PLCG2: variants seen among roughly 807,000 people sequenced by gnomAD.
PLCG2 encodes phospholipase C gamma 2, also known as 1-phosphatidylinositol 4,5-bisphosphate phosphodiesterase gamma-2.
PLCG2 carries 69 observed loss-of-function variants against 175.6 expected under a neutral mutation model. The ratio of observed to expected loss-of-function variants is 0.39; its 90% CI spans 0.32 to 0.48. PLCG2 has a LOEUF of 0.48. Among genes scored for constraint, PLCG2 ranks in the 20% least tolerant of loss-of-function variants. PLCG2 has a pLI of 0.91. For synonymous variants in PLCG2, 827 were observed against 624.0 expected, an observed-to-expected ratio of 1.33 and a Z score of -4.85; for missense variants, 1,798 against 1,650.9, an observed-to-expected ratio of 1.09 and a Z score of -1.54.
At chr16:81,944,886 C>T (rs919036502) in intron 30 of PLCG2, among the ~76,000 whole-genome samples, 4 of 152,056 alleles carry the variant, frequency 2.6e-5, no homozygotes, top group Admixed American at 6.6e-5. Context: ...GTAAAAGTTT[C>T]GTACAATCTA....
At chr16:81,933,449 G>A (rs1448339315) in intron 25 of PLCG2, among the ~76,000 whole-genome samples, 1 of 152,156 alleles carries the variant, frequency 6.6e-6, no homozygotes, top group African/African-American at 2.4e-5. Context: ...ATGGCAGAGG[G>A]CAGTCACAAA....
At chr16:81,878,438 C>G (rs1320376698) in intron 7 of PLCG2, among the ~76,000 whole-genome samples, 7 of 152,144 alleles carry the variant, frequency 4.6e-5, no homozygotes, top group African/African-American at 1.7e-4. Context: ...CATATATTCC[C>G]GGGGACACCA....
upstream of PLCG2, among the ~76,000 whole-genome samples, chr16:81,777,292 T>G (rs1291002341): frequency 6.6e-6 from 1 of 152,150 alleles, no homozygotes; most frequent in Non-Finnish European, 1.5e-5. Context: ...ATCAAGAGAC[T>G]TAACCCACTC....
At chr16:81,865,975 G>C (rs1472812278) in intron 5 of PLCG2, among the ~76,000 whole-genome samples, 6 of 137,380 alleles carry the variant, frequency 4.4e-5, no homozygotes, top group Admixed American at 1.4e-4. Flanking sequence ...GGGCTCCACT[G>C]GGGCACCAGC....
intron 31 of PLCG2, among the ~76,000 whole-genome samples, chr16:81,946,576 A>T (rs557208908): frequency 3.3e-5 from 5 of 152,090 alleles, no homozygotes; most frequent in Admixed American, 6.6e-5. Context: ...TCCTAGATAG[A>T]CTCATCCTTT....
intron 1 of PLCG2, among the ~76,000 whole-genome samples, chr16:81,782,403 A>G (rs1220364135): frequency 1.3e-5 from 2 of 151,686 alleles, no homozygotes; most frequent in Non-Finnish European, 2.9e-5. Context: ...TCTTTTTTTG[A>G]AAAAACCAAA....
rs561904038 is a variant in PLCG2, at chr16:81,962,487, T to C, written c.*4489T>C. On this transcript the variant is annotated 3_prime_UTR_variant, in exon 33 of 33. Coordinates refer to ENST00000564138, the MANE Select transcript of PLCG2 (RefSeq NM_002661.5). ...CTCTCAGAAATTTCCACATTTCTTA[T>C]TTTTCATTAGGCCTTAAGAAGCTGC... is the stretch of plus-strand genomic sequence containing the variant. 1 of 214,298 alleles carries C rather than the reference T, an allele frequency of 4.7e-6. No individual in the cohort carries two copies. Among genetic ancestry groups the C allele is most frequent in the East Asian group, 7.1e-5 (1 of 14,076 alleles). The allele number at this position is 214,298 out of a possible 1,614,324, so 13.3% of individuals were successfully genotyped here.
At chr16:81,810,791 T>G (rs961668285) in intron 2 of PLCG2, among the ~76,000 whole-genome samples, 5 of 152,222 alleles carry the variant, frequency 3.3e-5, no homozygotes, top group African/African-American at 1.2e-4. Flanking sequence ...TATTGAGTTC[T>G]GATAGAAGGA....
rs368241065 is a variant in PLCG2, at chr16:81,937,780, C to T, written c.3075C>T (p.His1025=). 1.5e-5 allele frequency: 24 copies of T among 1,613,814 alleles called. No individual in the cohort carries two copies. Among genetic ancestry groups the T allele is most frequent in the South Asian group, 6.6e-5 (6 of 91,050 alleles). The change falls in exon 28 of 33, where the codon CAC becomes CAT. Residue 1025 remains histidine (H), a synonymous_variant. Coordinates refer to ENST00000564138, the MANE Select transcript of PLCG2 (RefSeq NM_002661.5). ...QTADKYMQMN[H]ALFSLNGRTG... ...CAGATAAGTACATGCAGATGAATCA[C>T]GCATTGTTTTCTCTCAATGGGCGCA...
At chr16:81,929,662 C>G (rs1390080172) in intron 24 of PLCG2, among the ~76,000 whole-genome samples, 1 of 152,244 alleles carries the variant, frequency 6.6e-6, no homozygotes, top group African/African-American at 2.4e-5. Context: ...TCCCAAAGTG[C>G]TGGGATTACA....
chr16:81,743,033 G>T (rs1909628180), intron 1 of PLCG2, among the ~76,000 whole-genome samples: 1 of 152,186 alleles, frequency 6.6e-6, no homozygotes. Flanking sequence ...GGGTTCGGTG[G>T]CTCATGCCTG....
chr16:81,885,992 A>T (rs59993558), intron 9 of PLCG2, among the ~76,000 whole-genome samples: 1 of 152,198 alleles, frequency 6.6e-6, no homozygotes, highest in African/African-American at 2.4e-5. Flanking sequence ...CAGTCACGTT[A>T]GGTCTGAGCT....
At chr16:81,784,782 G>A (rs1879629892) in intron 1 of PLCG2, among the ~76,000 whole-genome samples, 1 of 152,158 alleles carries the variant, frequency 6.6e-6, no homozygotes, top group African/African-American at 2.4e-5. Context: ...TGAGCCCAGA[G>A]GATCTAAGTG....
At chr16:81,867,321 C>G (rs776267082) in intron 5 of PLCG2, among the ~76,000 whole-genome samples, 5 of 152,246 alleles carry the variant, frequency 3.3e-5, no homozygotes, top group Non-Finnish European at 5.9e-5. Context: ...ACACTTGGCT[C>G]CAGCCAGAAG....
Position 81,928,524 on chromosome 16 carries a change from C to A in PLCG2, c.2515-34C>A, listed in dbSNP as rs199958187. 1.3e-4 allele frequency: 175 copies of A among 1,363,764 alleles called. No individual in the cohort carries two copies. In the East Asian group the frequency reaches 3.9e-3, roughly 31 times the overall value. 84.5% of individuals were successfully genotyped at this position (1,363,764 alleles called of 1,614,324 possible). ...GGTTTTCTTTTTATTATTCCCGTTA[C>A]AACTAACGTGAGTTATGTCTTGTTT... On this transcript the variant is annotated intron_variant, in intron 23 of 32. Transcript: ENST00000564138.
chr16:81,860,141 T>G (rs1390675039), intron 5 of PLCG2, among the ~76,000 whole-genome samples: 1 of 118,144 alleles, frequency 8.5e-6, no homozygotes, highest in Non-Finnish European at 1.9e-5. Context: ...CTGGCTTATT[T>G]ACTATTATTA....
chr16:81,824,096 T>G (rs534369043), intron 2 of PLCG2, among the ~76,000 whole-genome samples: 14 of 128,834 alleles, frequency 1.1e-4, no homozygotes, highest in Admixed American at 3.3e-4. Flanking sequence ...GTCCTGTCCT[T>G]TCCTTTCTTT....
chr16:81,889,731 TG>T, intron 10 of PLCG2, among the ~76,000 whole-genome samples: 1 of 152,168 alleles, frequency 6.6e-6, no homozygotes, highest in East Asian at 1.9e-4. Flanking sequence ...CTCACCTCAC[TG>T]CAACCTCCGC....
intron 24 of PLCG2, 63 bp downstream of exon 24, chr16:81,928,687 C>G: frequency 9.0e-7 from 1 of 1,108,746 alleles, no homozygotes. Flanking sequence ...TGACCTCAGC[C>G]CCGCCCTACA....
Sources: allele counts gnomAD v4.1 joint callset (sites outside exome capture counted in the v4.1 genomes callset), GRCh38; gene constraint gnomAD v4.1.1; transcripts MANE v1.5; gene names NCBI Gene and HGNC (gene_info 2026-07-23, HGNC 2026-07-21).